CCDC171: variants seen among roughly 807,000 people sequenced by gnomAD.
CCDC171 encodes the protein coiled-coil domain-containing protein 171.
CCDC171 carries 177 observed loss-of-function variants against 168.2 expected under a neutral mutation model. That is an observed-to-expected ratio of 1.05 (90% CI 0.93 to 1.19). The LOEUF is 1.19. Among genes scored for constraint, CCDC171 ranks in the 50% most tolerant of loss-of-function variants. The pLI is 0.00. For synonymous variants in CCDC171, 687 were observed against 540.8 expected (o/e 1.27, Z -3.75); for missense variants, 1,991 against 1,539.0 (o/e 1.29, Z -4.91).
intron 24 of CCDC171, among the ~76,000 whole-genome samples, chr9:15,904,329 C>T (rs1043098377): frequency 1.3e-4 from 20 of 152,114 alleles, no homozygotes; most frequent in African/African-American, 3.9e-4. Context: ...GTGGATCTCT[C>T]GGCAGAAACT....
chr9:15,690,649 A>T (rs1224546339), intron 10 of CCDC171, among the ~76,000 whole-genome samples: 1 of 152,158 alleles, frequency 6.6e-6, no homozygotes, highest in African/African-American at 2.4e-5. Context: ...CATACTATTG[A>T]TTTGCACACT....
intron 18 of CCDC171, among the ~76,000 whole-genome samples, chr9:15,747,306 C>G (rs936588780): frequency 2.0e-5 from 3 of 152,196 alleles, no homozygotes; most frequent in Non-Finnish European, 2.9e-5. Flanking sequence ...GGGGAAGGGG[C>G]AGCTGTGGGC....
chr9:15,701,076 C>T (rs10810429), intron 11 of CCDC171, among the ~76,000 whole-genome samples: 68,896 of 151,856 alleles, frequency 0.45, 15,974 homozygotes, highest in Non-Finnish European at 0.51. Flanking sequence ...GTGCTTTTTA[C>T]TGGGATCGTT....
At chr9:15,772,633 G>C (rs2057074712) in intron 18 of CCDC171, among the ~76,000 whole-genome samples, 2 of 152,180 alleles carry the variant, frequency 1.3e-5, no homozygotes, top group African/African-American at 4.8e-5. Context: ...GTAGGGACCA[G>C]ATGTGTAGGA....
At chr9:15,610,469 A>AAAAAAAAAAAAAAAAAAAAC (rs1432453522) in intron 6 of CCDC171, among the ~76,000 whole-genome samples, 4 of 136,272 alleles carry the variant, frequency 2.9e-5, no homozygotes, top group Non-Finnish European at 6.4e-5. Context: ...AAAAAAAAAA[A>AAAAAAAAAAAAAAAAAAAAC]AAAAAAAAAA....
intron 12 of CCDC171, among the ~76,000 whole-genome samples, chr9:15,722,574 A>G (rs946199339): frequency 2.0e-5 from 3 of 152,388 alleles, no homozygotes; most frequent in South Asian, 4.1e-4. Context: ...ATTAAATACA[A>G]TTAGTTAGCA....
rs1314399504 is a variant in CCDC171 at position 15,820,102 on chromosome 9, A to ATTT, written c.3268-26600_3268-26599insTTT. Among the ~76,000 whole-genome samples the ATTT allele has an allele frequency of 3.3e-4, 39 of 118,336 alleles. 12 individuals carry two copies. Among genetic ancestry groups the ATTT allele is most frequent in the African/African-American group, 1.2e-3 (39 of 31,508 alleles). 77.6% of individuals were successfully genotyped at this position (118,336 alleles called of 152,430 possible). A position where few individuals can be genotyped will look rare whatever the true frequency, so the allele number is the denominator to read the frequency against. On this transcript the variant is annotated intron_variant, in intron 21 of 25. Coordinates refer to ENST00000380701, the MANE Select transcript of CCDC171 (RefSeq NM_173550.4). ...CTCCTGAATGACTACTGGGTACATA[A>ATTT]CAAAATGAAGGCAGAAATAAAGGTG...
intron 24 of CCDC171, among the ~76,000 whole-genome samples, chr9:15,880,615 C>G (rs1191683486): frequency 7.0e-6 from 1 of 142,784 alleles, no homozygotes; most frequent in Non-Finnish European, 1.5e-5. Flanking sequence ...TGCCACCATG[C>G]CCGCCTAATT....
intron 25 of CCDC171, among the ~76,000 whole-genome samples, chr9:15,961,454 A>G (rs1487530135): frequency 6.6e-6 from 1 of 152,152 alleles, no homozygotes; most frequent in Non-Finnish European, 1.5e-5. Flanking sequence ...ATAAGTAGCC[A>G]CTCTGCATAA....
chr9:15,933,350 A>G (rs575196679), intron 25 of CCDC171, among the ~76,000 whole-genome samples: 65 of 151,942 alleles, frequency 4.3e-4, no homozygotes, highest in Non-Finnish European at 5.5e-4. Context: ...TTTCTGTGGT[A>G]TCAATTGTGA....
chr9:15,676,680 A>G (rs1426768510), intron 9 of CCDC171, among the ~76,000 whole-genome samples: 1 of 151,860 alleles, frequency 6.6e-6, no homozygotes, highest in African/African-American at 2.4e-5. Context: ...GATTTTCTCC[A>G]TTGGAAAGTA....
intron 23 of CCDC171, among the ~76,000 whole-genome samples, chr9:15,873,823 T>C (rs1465600084): frequency 6.6e-6 from 1 of 152,152 alleles, no homozygotes; most frequent in Non-Finnish European, 1.5e-5. Context: ...TTGGTGTTTT[T>C]CCCATATCGG....
intron 11 of CCDC171, among the ~76,000 whole-genome samples, chr9:15,703,236 A>G (rs1361737913): frequency 1.3e-5 from 2 of 152,208 alleles, no homozygotes; most frequent in Non-Finnish European, 2.9e-5. Flanking sequence ...CTTTGGCTTA[A>G]GAGAATGTTG....
At chr9:15,951,606 C>T (rs866325883) in intron 25 of CCDC171, among the ~76,000 whole-genome samples, 47 of 152,136 alleles carry the variant, frequency 3.1e-4, no homozygotes, top group African/African-American at 1.1e-3. Flanking sequence ...GTTTGATTTG[C>T]ATTTCCCTAA....
rs1355725931 is a variant in CCDC171, at chr9:15,973,188, A to G, written c.*1352A>G. On this transcript the variant is annotated 3_prime_UTR_variant, in exon 26 of 26. Coordinates refer to ENST00000380701, the MANE Select transcript of CCDC171 (RefSeq NM_173550.4). ...AATCATTTAACTCCCTAGTGCTATT[A>G]ACTTCTGATGTGAACTATAGCTTTT... The G allele has an allele frequency of 6.6e-6, 1 of 152,188 alleles. No individual in the cohort carries two copies. The highest frequency in any genetic ancestry group is 2.4e-5 in the African/African-American group (1 of 41,458). The allele number at this position is 152,188 out of a possible 1,614,324, so 9.4% of individuals were successfully genotyped here.
chr9:15,734,950 T>C (rs1005829073), intron 16 of CCDC171, among the ~76,000 whole-genome samples: 1 of 152,188 alleles, frequency 6.6e-6, no homozygotes, highest in Admixed American at 6.5e-5. Flanking sequence ...TCTTAGAGTC[T>C]TATGTTTAAT....
In CCDC171 at chr9:15,742,192, A is replaced by G. The variant is rs545304190; in HGVS notation, c.2050-2081A>G. On this transcript the variant is annotated intron_variant, in intron 16 of 25. Transcript: ENST00000380701. ...TCCCAACTGCTGCAACTCTACTGCT[A>G]ACCCTGGCTATCTTTATTATGTTTC... Among the ~76,000 whole-genome samples the G allele has an allele frequency of 5.9e-5, 9 of 152,286 alleles. No individual in the cohort carries two copies. In the East Asian group the frequency reaches 1.5e-3, roughly 26 times the overall value.
intron 25 of CCDC171, among the ~76,000 whole-genome samples, chr9:15,954,278 T>G (rs1489890926): frequency 1.3e-5 from 2 of 152,054 alleles, no homozygotes; most frequent in Non-Finnish European, 2.9e-5. Flanking sequence ...GTTGTCGATT[T>G]GAGATCTTTC....
intron 11 of CCDC171, among the ~76,000 whole-genome samples, chr9:15,698,176 C>A (rs943663927): frequency 2.0e-5 from 3 of 152,142 alleles, no homozygotes; most frequent in African/African-American, 4.8e-5. Context: ...TAGTAACCAC[C>A]ATTCTACTCT....
Sources: allele counts gnomAD v4.1 joint callset (sites outside exome capture counted in the v4.1 genomes callset), GRCh38; gene constraint gnomAD v4.1.1; transcripts MANE v1.5; gene names NCBI Gene and HGNC (gene_info 2026-07-23, HGNC 2026-07-21).